The following EGFLAM variants were observed in gnomAD, a reference collection of about 807,000 sequenced individuals.
EGFLAM encodes the protein pikachurin.
A neutral mutation model predicts 113.1 loss-of-function variants in EGFLAM; 79 were observed. The ratio of observed to expected loss-of-function variants is 0.70; its 90% CI spans 0.58 to 0.84. The LOEUF (loss-of-function observed/expected upper bound fraction) is 0.84, where lower values mean the gene tolerates loss of function less well. EGFLAM is among the 40% of genes least tolerant of loss of function. The pLI is 0.00. For synonymous variants in EGFLAM, 504 were observed against 487.6 expected (o/e 1.03, Z -0.44); for missense variants, 1,265 against 1,291.6 (o/e 0.98, Z 0.32).
At chr5:38,448,471 A>G in intron 18 of EGFLAM, 92 bp downstream of exon 18, 1 of 1,338,150 alleles carries the variant, frequency 7.5e-7, no homozygotes, top group Non-Finnish European at 1.1e-6. Context: ...TCATGCCAGA[A>G]GATAATTCTC....
At chr5:38,392,632 G>C (rs1215884223) in intron 6 of EGFLAM, among the ~76,000 whole-genome samples, 1 of 150,594 alleles carries the variant, frequency 6.6e-6, no homozygotes, top group Non-Finnish European at 1.5e-5. Context: ...TTTTTTTTGG[G>C]GGGGCGGTTC....
intron 6 of EGFLAM, chr5:38,401,857 G>A (rs1469745628): frequency 2.6e-5 from 4 of 152,208 alleles, no homozygotes; most frequent in African/African-American, 9.7e-5. Context: ...ATCAAGCAAT[G>A]GGCATTTATG....
At chr5:38,410,824 C>A (rs1741454643) in intron 10 of EGFLAM, among the ~76,000 whole-genome samples, 1 of 152,168 alleles carries the variant, frequency 6.6e-6, no homozygotes, top group Admixed American at 6.5e-5. Flanking sequence ...GCCAGCTTGC[C>A]AAAATGAGCC....
intron 1 of EGFLAM, among the ~76,000 whole-genome samples, chr5:38,267,336 T>C (rs936428413): frequency 6.6e-6 from 1 of 152,172 alleles, no homozygotes; most frequent in Non-Finnish European, 1.5e-5. Flanking sequence ...GCAAAACGAG[T>C]TGTATCAGCA....
chr5:38,364,358 T>C (rs575901541), intron 5 of EGFLAM, among the ~76,000 whole-genome samples: 1 of 152,118 alleles, frequency 6.6e-6, no homozygotes, highest in South Asian at 2.1e-4. Context: ...AGGCTTCTTA[T>C]GGGAGCAAAG....
chr5:38,415,228 T>G (rs915626844), intron 11 of EGFLAM, among the ~76,000 whole-genome samples: 7 of 151,536 alleles, frequency 4.6e-5, no homozygotes, highest in African/African-American at 1.7e-4. Flanking sequence ...CCAGGCGTGG[T>G]GGTGGGCGCC....
chr5:38,343,348 G>C (rs1481802818), intron 3 of EGFLAM, among the ~76,000 whole-genome samples: 1 of 150,512 alleles, frequency 6.6e-6, no homozygotes. Context: ...GGAGGTTACA[G>C]TGAGCCGAGA....
chr5:38,293,177 T>C (rs766715871), intron 1 of EGFLAM, among the ~76,000 whole-genome samples: 3 of 152,222 alleles, frequency 2.0e-5, no homozygotes, highest in Non-Finnish European at 4.4e-5. Flanking sequence ...CCCTTGACTT[T>C]CTAATCTGGG....
At chr5:38,402,246 GAAAAC>G (rs2112114246) in intron 6 of EGFLAM, among the ~76,000 whole-genome samples, 1 of 152,256 alleles carries the variant, frequency 6.6e-6, no homozygotes, top group East Asian at 1.9e-4. Flanking sequence ...ACAAAAACCT[GAAAAC>G]ATAATTAGGA....
rs563621686 is a variant in EGFLAM at position 38,301,588 on chromosome 5, G to A, written c.98-35932G>A. Among the ~76,000 whole-genome samples the A allele has an allele frequency of 1.4e-4, 22 of 152,106 alleles. 1 individual carries two copies. In the South Asian group the frequency reaches 4.6e-3, roughly 32 times the overall value. ...GGGTCAGGAGAATTTTTTGAGATGG[G>A]AAAAACAATAGTAGGTTTAAGTGAT... On this transcript the variant is annotated intron_variant, in intron 1 of 21. Transcript: ENST00000322350.
intron 1 of EGFLAM, among the ~76,000 whole-genome samples, chr5:38,296,334 T>G (rs926284443): frequency 2.6e-5 from 4 of 152,100 alleles, no homozygotes; most frequent in Admixed American, 6.6e-5. Context: ...GATGATAGAA[T>G]CAACTTACTG....
chr5:38,357,126 G>A (rs1739782683), intron 5 of EGFLAM, among the ~76,000 whole-genome samples: 1 of 152,184 alleles, frequency 6.6e-6, no homozygotes, highest in African/African-American at 2.4e-5. Flanking sequence ...GTGTGATATT[G>A]CACACTGTAG....
At position 38,463,829 on chromosome 5, in the gene EGFLAM, C is replaced by A; in HGVS notation, c.2876-3C>A. ...ACCTCATCTCCCTCTTGCTTCCTGG[C>A]AGGTGGAATGAAGGAAATTGCTCTG... On this transcript the variant is annotated splice_region_variant and splice_polypyrimidine_tract_variant and intron_variant, in intron 21 of 21. Coordinates refer to ENST00000322350, the MANE Select transcript of EGFLAM (RefSeq NM_152403.4). The A allele has an allele frequency of 1.9e-6, 3 of 1,612,334 alleles. No individual in the cohort carries two copies. The highest frequency in any genetic ancestry group is 2.5e-6 in the Non-Finnish European group (3 of 1,179,102).
chr5:38,338,659 C>T (rs17339367), intron 2 of EGFLAM, 39 bp from the exon 3 acceptor site: 136,225 of 1,593,474 alleles, frequency 0.085, 6,234 homozygotes, highest in South Asian at 0.12. Flanking sequence ...TACACAAGCA[C>T]GGGCTCTGCT....
At chr5:38,276,410 T>C (rs931899139) in intron 1 of EGFLAM, among the ~76,000 whole-genome samples, 1 of 152,132 alleles carries the variant, frequency 6.6e-6, no homozygotes, top group East Asian at 1.9e-4. Flanking sequence ...TCAAAGCCTA[T>C]ATGATAAAGC....
chr5:38,292,323 T>C (rs1758355663), intron 1 of EGFLAM, among the ~76,000 whole-genome samples: 2 of 152,246 alleles, frequency 1.3e-5, no homozygotes, highest in African/African-American at 4.8e-5. Context: ...CACTCCTTTG[T>C]TCTTACATGG....
chr5:38,341,054 A>G (rs1739323229), intron 3 of EGFLAM, among the ~76,000 whole-genome samples: 1 of 152,192 alleles, frequency 6.6e-6, no homozygotes, highest in African/African-American at 2.4e-5. Flanking sequence ...CAGTTTCCTC[A>G]GTGACATATA....
At chr5:38,322,515 G>A (rs1488760578) in intron 1 of EGFLAM, among the ~76,000 whole-genome samples, 1 of 152,166 alleles carries the variant, frequency 6.6e-6, no homozygotes, top group Non-Finnish European at 1.5e-5. Context: ...CCAAGTGGCT[G>A]TCTTTCCTGC....
rs1743397480 is a variant in EGFLAM at position 38,464,335 on chromosome 5, G to A, written c.*349G>A. ...TGATTCATAGTACATTAAAAAGAGAGAGAGAGAGAAAGAATCCCACAGGGC... is the reference window on the plus strand; with the variant it reads ...TGATTCATAGTACATTAAAAAGAGAAAGAGAGAGAAAGAATCCCACAGGGC... On this transcript the variant is annotated 3_prime_UTR_variant, in exon 22 of 22. Transcript: ENST00000322350. The A allele has an allele frequency of 4.7e-6, 1 of 212,068 alleles. No individual in the cohort carries two copies. Among genetic ancestry groups the A allele is most frequent in the South Asian group, 1.3e-4 (1 of 7,860 alleles). The allele number at this position is 212,068 out of a possible 1,614,324, so 13.1% of individuals were successfully genotyped here.
Sources: allele counts gnomAD v4.1 joint callset (sites outside exome capture counted in the v4.1 genomes callset), GRCh38; gene constraint gnomAD v4.1.1; transcripts MANE v1.5; gene names NCBI Gene and HGNC (gene_info 2026-07-23, HGNC 2026-07-21).